CEP89: variants seen among roughly 807,000 people sequenced by gnomAD.
CEP89 encodes centrosomal protein of 89 kDa.
A neutral mutation model predicts 97.6 loss-of-function variants in CEP89; 95 were observed. That is an observed-to-expected ratio of 0.97 (90% confidence interval 0.82 to 1.15). The LOEUF is 1.15. Ranked by LOEUF, CEP89 falls within the 50% of genes most tolerant of loss-of-function variation. The pLI, the probability that CEP89 is intolerant of heterozygous loss-of-function variation, is 0.00. For synonymous variants in CEP89, 354 were observed against 349.1 expected (o/e 1.01, Z -0.16); for missense variants, 869 against 947.7 (o/e 0.92, Z 1.09).
chr19:32,953,102 T>A (rs996113139), intron 4 of CEP89, among the ~76,000 whole-genome samples: 5 of 151,558 alleles, frequency 3.3e-5, no homozygotes, highest in Non-Finnish European at 5.9e-5. Context: ...TGAATCTCTC[T>A]GTGTGCAGTG....
chr19:32,907,107 C>T (rs541092384), intron 14 of CEP89, among the ~76,000 whole-genome samples: 2 of 152,314 alleles, frequency 1.3e-5, no homozygotes, highest in African/African-American at 2.4e-5. Context: ...TGACTATAAT[C>T]CCATCGCTTT....
Position 32,937,649 on chromosome 19 carries a change from T to A in CEP89, c.649A>T (p.Lys217Ter). Residue 217 changes from lysine to a stop codon, truncating the protein, a stop_gained, in exon 7 of 19, where the codon AAA becomes TAA. Transcript: ENST00000305768. LOFTEE classifies it high-confidence loss of function. The part of the protein sequence containing the change: ...LKDEKPPLCE[K>*]PPPSPDITGR... ...CAAATACCTGGGGAGGGTGGAGGTTTCTCACATAATGGAGGTTTTTCATCC... is the reference window on the plus strand; with the variant it reads ...CAAATACCTGGGGAGGGTGGAGGTTACTCACATAATGGAGGTTTTTCATCC... 1 of 1,607,006 alleles carries A rather than the reference T, an allele frequency of 6.2e-7. No individual in the cohort carries two copies. Among genetic ancestry groups the A allele is most frequent in the Non-Finnish European group, 8.5e-7 (1 of 1,174,812 alleles).
At chr19:32,949,629 C>T (rs1468044752) in intron 4 of CEP89, among the ~76,000 whole-genome samples, 7 of 152,090 alleles carry the variant, frequency 4.6e-5, no homozygotes, top group Non-Finnish European at 7.4e-5. Context: ...AGTGATCCTC[C>T]TGCCTTGGCC....
chr19:32,947,146 G>T (rs984455235), intron 5 of CEP89, among the ~76,000 whole-genome samples: 2 of 152,154 alleles, frequency 1.3e-5, no homozygotes, highest in African/African-American at 2.4e-5. Context: ...AGTAGTTATT[G>T]GTTGTCCACT....
chr19:32,881,922 T>G lies in CEP89; in HGVS notation c.2057A>C (p.Tyr686Ser). Residue 686 changes from tyrosine to serine, a missense_variant, in exon 18 of 19, where the codon TAC (tyrosine) becomes TCC (serine). Transcript: ENST00000305768. ...QEDFAGKTAQ[Y>S]RQEMRHLHQV... is the part of the protein sequence containing the mutation. ...GTGCAGGTGCCGCATCTCCTGCCGG[T>G]ACTGGGCTGTCTTGCCGGCGAAGTC... is the stretch of plus-strand genomic sequence containing the variant. 7 of 1,605,330 alleles carry G rather than the reference T, an allele frequency of 4.4e-6. No individual in the cohort carries two copies. Among genetic ancestry groups the G allele is most frequent in the Non-Finnish European group, 4.2e-6 (5 of 1,177,228 alleles).
At chr19:32,944,962 G>T (rs567751883) in intron 5 of CEP89, among the ~76,000 whole-genome samples, 1 of 152,272 alleles carries the variant, frequency 6.6e-6, no homozygotes, top group East Asian at 1.9e-4. Flanking sequence ...AAGTAAGTTA[G>T]CCATGCCTAG....
chr19:32,879,095 C>T lies in CEP89; in HGVS notation c.*67G>A, dbSNP rs1037984252. ...CCGGCTGCCACCATGGGCTGCCCTG[C>T]AGGGAAGGCCTGTGTGAGGCAGACC... On this transcript the variant is annotated 3_prime_UTR_variant, in exon 19 of 19. Coordinates refer to ENST00000305768, the MANE Select transcript of CEP89 (RefSeq NM_032816.5). 7.4e-7 allele frequency: 1 copy of T among 1,346,706 alleles called. No homozygotes were observed. Among genetic ancestry groups the T allele is most frequent in the Non-Finnish European group, 1.0e-6 (1 of 975,410 alleles). The allele number at this position is 1,346,706 out of a possible 1,614,324, so 83.4% of individuals were successfully genotyped here.
intron 4 of CEP89, among the ~76,000 whole-genome samples, chr19:32,953,356 C>G (rs184715174): frequency 1.3e-5 from 2 of 151,610 alleles, no homozygotes; most frequent in Admixed American, 1.3e-4. Flanking sequence ...AAGAAAAGAA[C>G]GAGATTGCTA....
chr19:32,944,565 A>G (rs1346956069), intron 5 of CEP89, among the ~76,000 whole-genome samples: 5 of 152,126 alleles, frequency 3.3e-5, no homozygotes, highest in African/African-American at 1.2e-4. Flanking sequence ...ATGGGGAGGG[A>G]AGCCAAGCTG....
intron 6 of CEP89, among the ~76,000 whole-genome samples, chr19:32,939,439 G>A (rs926619246): frequency 6.6e-6 from 1 of 152,066 alleles, no homozygotes; most frequent in African/African-American, 2.4e-5. Context: ...CATTTTGGGA[G>A]GTCGAGATGG....
chr19:32,945,483 A>G (rs938339521), intron 5 of CEP89, among the ~76,000 whole-genome samples: 7 of 152,060 alleles, frequency 4.6e-5, no homozygotes, highest in Non-Finnish European at 1.0e-4. Flanking sequence ...GTGGGTGGCC[A>G]CGGCCTCTCA....
At chr19:32,915,802 C>A (rs1683861936) in intron 13 of CEP89, among the ~76,000 whole-genome samples, 1 of 151,560 alleles carries the variant, frequency 6.6e-6, no homozygotes, top group Non-Finnish European at 1.5e-5. Flanking sequence ...GCCTGTAATC[C>A]CAGCTATTCA....
chr19:32,895,995 T>C (rs1444521917), intron 16 of CEP89, among the ~76,000 whole-genome samples: 8 of 152,180 alleles, frequency 5.3e-5, no homozygotes, highest in African/African-American at 1.9e-4. Context: ...AGACATCCCA[T>C]GATCATGGAT....
Position 32,933,452 on chromosome 19 carries a change from T to C in CEP89, c.885A>G (p.Glu295=). ...TAAAGGCACTCTGTCTGTCCCCACC[T>C]TCCTGTGACGACGCCTTCTCAGCCT... ...LKEAEKASSQ[E]VAAPELLYLR... is the part of the protein sequence containing the mutation. Residue 295 remains glutamate (E), a splice_region_variant and synonymous_variant, in exon 8 of 19, where the codon GAA becomes GAG. Coordinates refer to ENST00000305768, the MANE Select transcript of CEP89 (RefSeq NM_032816.5). The C allele has an allele frequency of 6.2e-7, 1 of 1,612,404 alleles. No individual in the cohort carries two copies. Among genetic ancestry groups the C allele is most frequent in the Non-Finnish European group, 8.5e-7 (1 of 1,178,868 alleles).
chr19:32,878,967 A>AAT lies in CEP89; in HGVS notation c.*194_*195insAT. On this transcript the variant is annotated 3_prime_UTR_variant, in exon 19 of 19. Coordinates refer to ENST00000305768, the MANE Select transcript of CEP89 (RefSeq NM_032816.5). ...ACAGAGTGAGACCCTAGCTCTAAAA[A>AAT]AAAAAAAAAATTAAAAAATAAAGCA... The AAT allele has an allele frequency of 2.2e-6, 1 of 462,970 alleles. No homozygotes were observed. Among genetic ancestry groups the AAT allele is most frequent in the Non-Finnish European group, 3.8e-6 (1 of 264,528 alleles). 28.7% of individuals were successfully genotyped at this position (462,970 alleles called of 1,614,324 possible).
At chr19:32,951,958 C>A (rs1004154290) in intron 4 of CEP89, among the ~76,000 whole-genome samples, 1 of 152,034 alleles carries the variant, frequency 6.6e-6, no homozygotes, top group African/African-American at 2.4e-5. Context: ...AATAACCAGC[C>A]GGCAAGTGTG....
chr19:32,967,911 G>A (rs186742660), intron 1 of CEP89, among the ~76,000 whole-genome samples: 2 of 152,184 alleles, frequency 1.3e-5, no homozygotes, highest in East Asian at 3.9e-4. Flanking sequence ...AGCAGATGGA[G>A]GAAATCCCAA....
At chr19:32,917,993 C>T (rs1599738476) in intron 13 of CEP89, among the ~76,000 whole-genome samples, 1 of 152,154 alleles carries the variant, frequency 6.6e-6, no homozygotes, top group African/African-American at 2.4e-5. Context: ...CTATTACCTA[C>T]GAGTGATTTA....
chr19:32,915,812 A>C (rs1034381555), intron 13 of CEP89, among the ~76,000 whole-genome samples: 1 of 151,456 alleles, frequency 6.6e-6, no homozygotes, highest in Non-Finnish European at 1.5e-5. Context: ...CCAGCTATTC[A>C]GGAGGCTGAG....
Sources: gnomAD v4.1 joint callset for allele counts (sites outside exome capture counted in the v4.1 genomes callset) on GRCh38, gnomAD v4.1.1 for gene constraint, MANE v1.5 for transcripts, NCBI Gene and HGNC (gene_info 2026-07-23, HGNC 2026-07-21) for gene names.